Variants in RBFOX1 observed in about 807,000 individuals in gnomAD.
RBFOX1 encodes the protein RNA binding fox-1 homolog 1.
Under a neutral mutation model 57.7 loss-of-function variants are expected in RBFOX1, and 8 were observed. That is an observed-to-expected ratio of 0.14 (90% CI 0.08 to 0.25). The LOEUF (loss-of-function observed/expected upper bound fraction) is 0.25. Ranked by LOEUF, RBFOX1 falls within the 10% of genes least tolerant of loss-of-function variation. The pLI is 1.00. For synonymous variants in RBFOX1, 326 were observed against 222.4 expected, an observed-to-expected ratio of 1.47 and a Z score of -4.15; for missense variants, 611 against 548.5, an observed-to-expected ratio of 1.11 and a Z score of -1.14.
chr16:6,145,709 G>A (rs1026212255), intron 1 of RBFOX1, among the ~76,000 whole-genome samples: 2 of 151,934 alleles, frequency 1.3e-5, no homozygotes, highest in Non-Finnish European at 2.9e-5. Context: ...AATGTTTATG[G>A]CATACGTCCA....
chr16:5,550,621 C>G (rs1219277435), intron 2 of RBFOX1, among the ~76,000 whole-genome samples: 3 of 152,124 alleles, frequency 2.0e-5, no homozygotes, highest in African/African-American at 7.2e-5. Flanking sequence ...TTGTTATTGA[C>G]TTATTGAGTA....
At chr16:6,693,324 A>G (rs574227186) in intron 3 of RBFOX1, among the ~76,000 whole-genome samples, 13 of 151,058 alleles carry the variant, frequency 8.6e-5, no homozygotes, top group African/African-American at 3.2e-4. Flanking sequence ...CACCACCATC[A>G]TCACCATCAT....
intron 4 of RBFOX1, among the ~76,000 whole-genome samples, chr16:7,191,877 G>T (rs544934072): frequency 2.6e-5 from 4 of 152,228 alleles, no homozygotes; most frequent in Non-Finnish European, 2.9e-5. Flanking sequence ...CTTTGAGGCA[G>T]AATGTAAGCC....
intron 2 of RBFOX1, among the ~76,000 whole-genome samples, chr16:6,555,299 C>G (rs182469554): frequency 6.6e-6 from 1 of 152,258 alleles, no homozygotes; most frequent in African/African-American, 2.4e-5. Flanking sequence ...TGGGCATGAT[C>G]AATAGTTATA....
At chr16:7,245,630 G>A (rs541400094) in intron 4 of RBFOX1, among the ~76,000 whole-genome samples, 3 of 152,298 alleles carry the variant, frequency 2.0e-5, no homozygotes, top group African/African-American at 7.2e-5. Flanking sequence ...GCTAGAGAAA[G>A]AGCTATGCTG....
chr16:6,159,313 G>C (rs534598651), intron 1 of RBFOX1, among the ~76,000 whole-genome samples: 16 of 152,288 alleles, frequency 1.1e-4, no homozygotes, highest in African/African-American at 3.8e-4. Flanking sequence ...CTGACCTCAG[G>C]TGATCTGCCC....
chr16:5,801,150 G>C (rs2151753200), intron 3 of RBFOX1, among the ~76,000 whole-genome samples: 1 of 152,190 alleles, frequency 6.6e-6, no homozygotes, highest in South Asian at 2.1e-4. Context: ...GAAATGCAGT[G>C]GGCCATTTTA....
chr16:7,175,510 C>T (rs916883295), intron 4 of RBFOX1, among the ~76,000 whole-genome samples: 5 of 152,136 alleles, frequency 3.3e-5, no homozygotes, highest in African/African-American at 1.2e-4. Context: ...TGGTCATACT[C>T]ATTGAGCCTA....
At chr16:6,793,744 G>C (rs1359096326) in intron 3 of RBFOX1, among the ~76,000 whole-genome samples, 1 of 152,154 alleles carries the variant, frequency 6.6e-6, no homozygotes, top group African/African-American at 2.4e-5. Context: ...AAATAACACA[G>C]CAAGAAACAT....
At chr16:6,317,732 G>A (rs1240914494) in intron 2 of RBFOX1, among the ~76,000 whole-genome samples, 1 of 152,000 alleles carries the variant, frequency 6.6e-6, no homozygotes, top group Non-Finnish European at 1.5e-5. Flanking sequence ...ATATACTCTA[G>A]CATTTGGGGT....
intron 4 of RBFOX1, among the ~76,000 whole-genome samples, chr16:7,237,376 A>G (rs780721256): frequency 6.6e-6 from 1 of 152,226 alleles, no homozygotes; most frequent in Non-Finnish European, 1.5e-5. Flanking sequence ...TTCTGTACAT[A>G]CAATAATAAT....
chr16:5,460,389 C>G (rs2068753088), intron 1 of RBFOX1, among the ~76,000 whole-genome samples: 1 of 152,210 alleles, frequency 6.6e-6, no homozygotes, highest in Admixed American at 6.5e-5. Context: ...CCCATCTACA[C>G]CACTGCACCT....
chr16:6,090,516 C>G (rs953203037), intron 1 of RBFOX1, among the ~76,000 whole-genome samples: 2 of 152,186 alleles, frequency 1.3e-5, no homozygotes, highest in African/African-American at 4.8e-5. Context: ...TCAGCAGGTT[C>G]TAAAAGGTAA....
At chr16:5,873,999 A>C (rs1250251877) in intron 4 of RBFOX1, among the ~76,000 whole-genome samples, 5 of 152,238 alleles carry the variant, frequency 3.3e-5, no homozygotes, top group Non-Finnish European at 7.3e-5. Context: ...TGATGTAATC[A>C]GAAGGAACAC....
chr16:6,949,619 T>A (rs2080279742), intron 3 of RBFOX1, among the ~76,000 whole-genome samples: 1 of 152,064 alleles, frequency 6.6e-6, no homozygotes. Flanking sequence ...TATCTCTTTC[T>A]CTTTTTCTAA....
intron 4 of RBFOX1, among the ~76,000 whole-genome samples, chr16:7,330,852 G>A (rs544612083): frequency 5.3e-5 from 8 of 152,110 alleles, no homozygotes; most frequent in Admixed American, 2.0e-4. Flanking sequence ...GAAAGCAGAC[G>A]GGAGAGACAC....
At chr16:7,684,802 C>G (rs561119129) in intron 14 of RBFOX1, among the ~76,000 whole-genome samples, 1 of 152,112 alleles carries the variant, frequency 6.6e-6, no homozygotes, top group East Asian at 1.9e-4. Context: ...GAATATGAGC[C>G]CAGGTAGTGG....
intron 3 of RBFOX1, among the ~76,000 whole-genome samples, chr16:5,865,248 A>G (rs2057319013): frequency 6.6e-6 from 1 of 152,068 alleles, no homozygotes. Context: ...ACACACATTC[A>G]CGTGAGATAA....
intron 5 of RBFOX1, among the ~76,000 whole-genome samples, chr16:7,524,162 G>C (rs547024149): frequency 6.6e-6 from 1 of 152,300 alleles, no homozygotes; most frequent in South Asian, 2.1e-4. Context: ...GAGAAACTAA[G>C]TACTTTTGGG....
Sources: gnomAD v4.1 joint callset for allele counts (sites outside exome capture counted in the v4.1 genomes callset) on GRCh38, gnomAD v4.1.1 for gene constraint, MANE v1.5 for transcripts, NCBI Gene and HGNC (gene_info 2026-07-23, HGNC 2026-07-21) for gene names.